TSPAN4: variants seen among roughly 807,000 people sequenced by gnomAD.
The protein encoded by TSPAN4 is tetraspanin-4.
TSPAN4 carries 38 observed loss-of-function variants against 31.5 expected under a neutral mutation model. That is an observed-to-expected ratio of 1.21 (90% confidence interval 0.93 to 1.58). The LOEUF is 1.58. Among genes scored for constraint, TSPAN4 ranks in the 40% most tolerant of loss-of-function variants. The probability of loss-of-function intolerance (pLI) is 0.00; values close to 1 mark genes in which losing one functional copy is unlikely to be tolerated. For synonymous variants in TSPAN4, 186 were observed against 144.6 expected, an observed-to-expected ratio of 1.29 and a Z score of -2.06; for missense variants, 330 against 317.3, an observed-to-expected ratio of 1.04 and a Z score of -0.30.
chr11:846,438 C>T (rs906976778), intron 1 of TSPAN4, among the ~76,000 whole-genome samples: 2 of 152,300 alleles, frequency 1.3e-5, no homozygotes, highest in South Asian at 2.1e-4. Flanking sequence ...CTCTATGGTT[C>T]CCTCCTGCCC....
chr11:859,064 C>T (rs1294774448), intron 3 of TSPAN4, among the ~76,000 whole-genome samples: 1 of 123,608 alleles, frequency 8.1e-6, no homozygotes, highest in African/African-American at 3.1e-5. Context: ...CAACAGCTTG[C>T]ACCCCCGGCA....
chr11:866,775 C>A lies in TSPAN4; in HGVS notation c.*145C>A. On this transcript the variant is annotated 3_prime_UTR_variant, in exon 9 of 9. Coordinates refer to ENST00000397397, the MANE Select transcript of TSPAN4 (RefSeq NM_003271.5). The stretch of plus-strand genomic sequence containing the variant: ...GACAGGTGCCTGGAGCCCCCGGAAC[C>A]CTGTTTCTGGAAGGCCCTAGCTCAG... The A allele has an allele frequency of 1.1e-6, 1 of 884,834 alleles. No homozygotes were observed. The highest frequency in any genetic ancestry group is 1.7e-6 in the Non-Finnish European group (1 of 603,736). 54.8% of individuals were successfully genotyped at this position (884,834 alleles called of 1,614,324 possible).
Position 850,359 on chromosome 11 carries a change from C to T in TSPAN4, c.55C>T (p.Leu19Phe), listed in dbSNP as rs779595513. ...VKYLMFAFNLLFWLGGCGVLG... is the reference protein window; with the variant it reads ...VKYLMFAFNLFFWLGGCGVLG... ...GTACCTCATGTTCGCCTTCAACCTG[C>T]TCTTCTGGGTGAGTCCGGGGGCCGG... The change falls in exon 3 of 9, where the codon CTC becomes TTC. Residue 19 changes from leucine (L) to phenylalanine (F), a missense_variant. Coordinates refer to ENST00000397397, the MANE Select transcript of TSPAN4 (RefSeq NM_003271.5). 3.7e-6 allele frequency: 6 copies of T among 1,603,974 alleles called. No homozygotes were observed. In the East Asian group the frequency reaches 6.7e-5, roughly 18 times the overall value.
intron 4 of TSPAN4, chr11:863,152 T>C (rs1387267047): frequency 6.1e-6 from 1 of 163,938 alleles, no homozygotes; most frequent in African/African-American, 2.4e-5. Context: ...GGGGGCCTGG[T>C]CTCTCAGCTC....
intron 3 of TSPAN4, among the ~76,000 whole-genome samples, chr11:852,280 C>T (rs984260447): frequency 4.6e-5 from 7 of 152,134 alleles, no homozygotes; most frequent in African/African-American, 7.2e-5. Context: ...CGCATCACCA[C>T]GCCTGTCTAA....
intron 3 of TSPAN4, among the ~76,000 whole-genome samples, 195 bp downstream of exon 3, chr11:850,562 C>T (rs1847623091): frequency 6.6e-6 from 1 of 152,216 alleles, no homozygotes; most frequent in Non-Finnish European, 1.5e-5. Context: ...TTTGCACCAT[C>T]GCGGGGTCCG....
intron 2 of TSPAN4, chr11:849,892 C>T (rs1847553997): frequency 6.7e-6 from 1 of 148,374 alleles, no homozygotes; most frequent in South Asian, 2.0e-4. Context: ...CCGAGCGGAT[C>T]CGCGCGACCC....
intron 3 of TSPAN4, chr11:857,359 G>T (rs950659928): frequency 2.7e-5 from 4 of 150,358 alleles, no homozygotes; most frequent in African/African-American, 9.8e-5. Flanking sequence ...GGAGAGGTCT[G>T]CGTCCTTGGA....
At chr11:845,916 C>G (rs148594431) in intron 1 of TSPAN4, among the ~76,000 whole-genome samples, 1 of 152,154 alleles carries the variant, frequency 6.6e-6, no homozygotes, top group Non-Finnish European at 1.5e-5. Flanking sequence ...GTATGTAGCC[C>G]CCAGTCCCTG....
chr11:862,666 C>T lies in TSPAN4; in HGVS notation c.180C>T (p.Thr60=), dbSNP rs368191343. The T allele has an allele frequency of 6.8e-5, 110 of 1,613,200 alleles. No homozygotes were observed. The highest frequency in any genetic ancestry group is 1.6e-4 in the Middle Eastern group (1 of 6,078). ...SLSAANLLII[T]GAFVMAIGFV... ...CGGCTGCCAACTTGCTCATCATCAC[C>T]GGCGCCTTTGTCATGGCCATCGGCT... is the stretch of plus-strand genomic sequence containing the variant. The change falls in exon 4 of 9, where the codon ACC becomes ACT. Residue 60 remains threonine, a synonymous_variant. Transcript: ENST00000397397.
intron 1 of TSPAN4, chr11:843,252 A>G (rs932320897): frequency 1.3e-5 from 2 of 152,024 alleles, no homozygotes; most frequent in African/African-American, 4.8e-5. Flanking sequence ...CAGCTGCGCA[A>G]TTACAGCCCC....
At chr11:852,489 C>T (rs962767455) in intron 3 of TSPAN4, among the ~76,000 whole-genome samples, 6 of 151,598 alleles carry the variant, frequency 4.0e-5, no homozygotes, top group African/African-American at 1.5e-4. Context: ...CCAGCCTTGG[C>T]CCCCCCCAAC....
chr11:858,007 C>T (rs1187288826), intron 3 of TSPAN4: 1 of 152,392 alleles, frequency 6.6e-6, no homozygotes, highest in Non-Finnish European at 1.5e-5. Context: ...CTGTCTGCCC[C>T]TCCACAAGAC....
intron 8 of TSPAN4, 52 bp from the exon 9 acceptor site, chr11:866,510 G>C (rs2134079394): frequency 6.4e-7 from 1 of 1,574,200 alleles, no homozygotes; most frequent in Non-Finnish European, 8.7e-7. Context: ...CTCTGGGCTT[G>C]AGGCCTGAGC....
intron 3 of TSPAN4, among the ~76,000 whole-genome samples, chr11:861,517 C>T (rs1848454722): frequency 6.6e-6 from 1 of 152,092 alleles, no homozygotes; most frequent in African/African-American, 2.4e-5. Context: ...TCAAGACCAT[C>T]CTGGCTAACA....
At chr11:854,913 C>T (rs1182088021) in intron 3 of TSPAN4, among the ~76,000 whole-genome samples, 1 of 152,244 alleles carries the variant, frequency 6.6e-6, no homozygotes, top group Non-Finnish European at 1.5e-5. Context: ...CATCCCAGGC[C>T]AGCCTTTGGA....
intron 3 of TSPAN4, among the ~76,000 whole-genome samples, chr11:855,943 A>G (rs1392776670): frequency 1.3e-5 from 2 of 152,162 alleles, no homozygotes; most frequent in South Asian, 2.1e-4. Flanking sequence ...CCAGAGGGGC[A>G]GTGGGCTGAG....
In TSPAN4 at chr11:865,673, C is replaced by T. The variant is rs182526570; in HGVS notation, c.433-21C>T. 1.7e-3 allele frequency: 2,686 copies of T among 1,612,852 alleles called. 35 individuals are homozygous for T. In the East Asian group the frequency reaches 0.018, roughly 11 times the overall value. On this transcript the variant is annotated intron_variant, in intron 6 of 8. Transcript: ENST00000397397. ...TGCCCCCTCCCCTCCTGCCTCAGCCCGACCTGAGCTTGCCCCCCAGTTCCG... is the reference window on the plus strand; with the variant it reads ...TGCCCCCTCCCCTCCTGCCTCAGCCTGACCTGAGCTTGCCCCCCAGTTCCG...
At chr11:847,884 C>T (rs143009546) in intron 2 of TSPAN4, among the ~76,000 whole-genome samples, 3 of 152,260 alleles carry the variant, frequency 2.0e-5, no homozygotes, top group Non-Finnish European at 4.4e-5. Flanking sequence ...CACAGAGGGA[C>T]GCAGGGGAGA....
Sources: allele counts gnomAD v4.1 joint callset (sites outside exome capture counted in the v4.1 genomes callset), GRCh38; gene constraint gnomAD v4.1.1; transcripts MANE v1.5; gene names NCBI Gene and HGNC (gene_info 2026-07-23, HGNC 2026-07-21).